Variants in CYFIP2 observed in about 807,000 individuals in gnomAD.
CYFIP2 encodes cytoplasmic FMR1-interacting protein 2.
CYFIP2 carries 29 observed loss-of-function variants against 158.7 expected under a neutral mutation model. That is an observed-to-expected ratio of 0.18 (90% CI 0.14 to 0.25). The LOEUF (loss-of-function observed/expected upper bound fraction) is 0.25. CYFIP2 is among the 10% of genes least tolerant of loss of function. CYFIP2 has a pLI of 1.00. For synonymous variants in CYFIP2, 585 were observed against 617.6 expected (o/e 0.95, Z 0.78); for missense variants, 852 against 1,639.5 (o/e 0.52, Z 8.29).
intron 17 of CYFIP2, chr5:157,325,947 T>G (rs1760988467): frequency 3.6e-6 from 2 of 557,970 alleles, no homozygotes; most frequent in East Asian, 2.9e-5. Context: ...TAGTCCCAAA[T>G]GAATTTTTAC....
chr5:157,301,138 C>T (rs1364454508), intron 6 of CYFIP2, among the ~76,000 whole-genome samples: 1 of 152,234 alleles, frequency 6.6e-6, no homozygotes, highest in African/African-American at 2.4e-5. Flanking sequence ...GAATCAAACC[C>T]TCAGTTCCCC....
chr5:157,329,518 T>C (rs562934578), intron 19 of CYFIP2, among the ~76,000 whole-genome samples: 1 of 152,382 alleles, frequency 6.6e-6, no homozygotes, highest in Non-Finnish European at 1.5e-5. Flanking sequence ...TCAGTCCTGT[T>C]CATTCAAAAT....
intron 27 of CYFIP2, 135 bp from the exon 28 acceptor site, chr5:157,383,130 G>A (rs1045184044): frequency 1.4e-5 from 10 of 707,182 alleles, no homozygotes; most frequent in Admixed American, 2.4e-5. Flanking sequence ...TTTCCAGAAC[G>A]AAGGAGAGCA....
chr5:157,344,459 G>A (rs1307766068), intron 23 of CYFIP2, among the ~76,000 whole-genome samples: 2 of 152,152 alleles, frequency 1.3e-5, no homozygotes, highest in Admixed American at 1.3e-4. Flanking sequence ...CTAATGCAAG[G>A]CTGCCGGGTT....
chr5:157,384,836 A>G, intron 28 of CYFIP2: 1 of 265,226 alleles, frequency 3.8e-6, no homozygotes, highest in South Asian at 4.1e-5. Context: ...GCTACTTGGG[A>G]GGCTGAGGCA....
intron 28 of CYFIP2, chr5:157,384,617 C>A (rs1156547757): frequency 2.4e-6 from 1 of 417,168 alleles, no homozygotes; most frequent in South Asian, 1.7e-5. Flanking sequence ...CCGCATGCCA[C>A]CAACCTCCTT....
chr5:157,305,547 G>A (rs573563193), intron 8 of CYFIP2, among the ~76,000 whole-genome samples: 6 of 152,188 alleles, frequency 3.9e-5, no homozygotes, highest in African/African-American at 1.4e-4. Context: ...GTCTCATTCT[G>A]TCTCCCAGGC....
intron 2 of CYFIP2, 120 bp from the exon 3 acceptor site, chr5:157,286,899 A>G: frequency 1.5e-6 from 1 of 670,142 alleles, no homozygotes; most frequent in East Asian, 3.0e-5. Context: ...AAGGTGACGC[A>G]GCAGGAGGTT....
intron 11 of CYFIP2, among the ~76,000 whole-genome samples, chr5:157,312,003 A>G (rs1332569540): frequency 1.3e-5 from 2 of 152,170 alleles, no homozygotes; most frequent in African/African-American, 2.4e-5. Flanking sequence ...CTTTGCTTCA[A>G]TTTCCTCATC....
At chr5:157,277,751 T>C (rs1756677551) in intron 1 of CYFIP2, among the ~76,000 whole-genome samples, 1 of 152,098 alleles carries the variant, frequency 6.6e-6, no homozygotes, top group Non-Finnish European at 1.5e-5. Flanking sequence ...GAAAATAGAG[T>C]CATTACCAAT....
chr5:157,314,789 G>GTGGT (rs1215175847), intron 12 of CYFIP2, among the ~76,000 whole-genome samples, 180 bp from the exon 13 acceptor site: 7 of 152,140 alleles, frequency 4.6e-5, no homozygotes, highest in Non-Finnish European at 1.0e-4. Context: ...CATATGATAT[G>GTGGT]TGGTCTTTTG....
chr5:157,312,123 A>C (rs1217198798), intron 11 of CYFIP2, among the ~76,000 whole-genome samples: 1 of 152,148 alleles, frequency 6.6e-6, no homozygotes, highest in Non-Finnish European at 1.5e-5. Flanking sequence ...TGTACATGAT[A>C]AGTGATGCAA....
chr5:157,334,412 T>A (rs1352410206), intron 21 of CYFIP2, among the ~76,000 whole-genome samples: 2 of 152,142 alleles, frequency 1.3e-5, no homozygotes, highest in Non-Finnish European at 2.9e-5. Flanking sequence ...TATGTACATC[T>A]TACCACAATA....
At chr5:157,267,544 C>T (rs1043322038) in intron 1 of CYFIP2, among the ~76,000 whole-genome samples, 2 of 152,236 alleles carry the variant, frequency 1.3e-5, no homozygotes, top group Admixed American at 1.3e-4. Context: ...GGCCTCCCAC[C>T]TCCACTTCCA....
At position 157,311,611 on chromosome 5, in the gene CYFIP2, C is replaced by T. The variant is rs757115772; in HGVS notation, c.993-53C>T. On this transcript the variant is annotated intron_variant, in intron 10 of 30. Coordinates refer to ENST00000620254, the MANE Select transcript of CYFIP2 (RefSeq NM_001037333.3). This position sits in a 1 kb window ranked among gnomAD's most constrained non-coding sequence, Gnocchi z 4.7. Reference sequence around the variant, plus strand: ...CACCAGGAGCAGCTAATGCCTGTTCCACCCAGGCGCCTGAGGCTGGGACCC... The same window carrying T: ...CACCAGGAGCAGCTAATGCCTGTTCTACCCAGGCGCCTGAGGCTGGGACCC... 6.5e-5 allele frequency: 98 copies of T among 1,502,540 alleles called. No homozygotes were observed. Among genetic ancestry groups the T allele is most frequent in the Non-Finnish European group, 8.3e-5 (92 of 1,106,180 alleles). The allele number at this position is 1,502,540 out of a possible 1,614,324, so 93.1% of individuals were successfully genotyped here.
At chr5:157,304,108 G>A (rs1759012265) in intron 7 of CYFIP2, 130 bp from the exon 8 acceptor site, 6 of 1,195,608 alleles carry the variant, frequency 5.0e-6, no homozygotes, top group Middle Eastern at 2.9e-4. Context: ...ATGCAGCCTC[G>A]CCTCCCTGGA....
chr5:157,307,653 G>GTGTGTGTGTGTA (rs1451376666), intron 8 of CYFIP2, 108 bp from the exon 9 acceptor site: 76 of 618,760 alleles, frequency 1.2e-4, no homozygotes, highest in African/African-American at 1.2e-3. Flanking sequence ...GTGTGTGTGT[G>GTGTGTGTGTGTA]TGTATGTGTG....
rs59642433 is a variant in CYFIP2, at chr5:157,370,597, G to T, written c.3039+8999G>T. Among the ~76,000 whole-genome samples, 1,139 of 152,310 alleles carry T rather than the reference G, an allele frequency of 7.5e-3. 21 individuals are homozygous for T. The highest frequency in any genetic ancestry group is 0.026 in the African/African-American group (1,084 of 41,574). On this transcript the variant is annotated intron_variant, in intron 26 of 30. Coordinates refer to ENST00000620254, the MANE Select transcript of CYFIP2 (RefSeq NM_001037333.3). ...TTTCAAATGGAGACTTTCTCATTAA[G>T]GTTGTCAGAAAGATTGATAGGAAAC...
chr5:157,342,561 C>G, intron 23 of CYFIP2: 2 of 274,692 alleles, frequency 7.3e-6, no homozygotes, highest in East Asian at 1.3e-4. Flanking sequence ...CAAATTTTTG[C>G]TTTCTACTTT....
Sources: gnomAD v4.1 joint callset for allele counts (sites outside exome capture counted in the v4.1 genomes callset) on GRCh38, gnomAD v4.1.1 for gene constraint, Gnocchi (gnomAD v3.1) non-coding constraint, MANE v1.5 for transcripts, NCBI Gene and HGNC (gene_info 2026-07-23, HGNC 2026-07-21) for gene names.